VDAC1: variants seen among roughly 807,000 people sequenced by gnomAD.
VDAC1 encodes non-selective voltage-gated ion channel VDAC1.
In VDAC1, 10 loss-of-function variants were observed where a neutral mutation model predicts 34.7. The observed-to-expected ratio is 0.29, with a 90% CI of 0.18 to 0.49. The LOEUF (loss-of-function observed/expected upper bound fraction) is 0.49. VDAC1 is among the 20% of genes least tolerant of loss of function. VDAC1 has a pLI of 0.99. For synonymous variants in VDAC1, 130 were observed against 136.0 expected (o/e 0.96, Z 0.30); for missense variants, 230 against 347.9 (o/e 0.66, Z 2.69).
the VDAC1 span, among the ~76,000 whole-genome samples, chr5:134,023,123 A>T: frequency 6.6e-6 from 1 of 152,196 alleles, no homozygotes; most frequent in Non-Finnish European, 1.5e-5. Context: ...GCACATATAC[A>T]CCATGGAGTA....
the VDAC1 span, among the ~76,000 whole-genome samples, chr5:134,022,730 C>T: frequency 8.5e-5 from 13 of 152,200 alleles, no homozygotes; most frequent in South Asian, 4.1e-4. Context: ...GACATCCAGA[C>T]TTCATCAGTT....
chr5:134,026,812 G>T, the VDAC1 span, among the ~76,000 whole-genome samples: 7 of 152,294 alleles, frequency 4.6e-5, no homozygotes, highest in South Asian at 1.4e-3. Context: ...TCTGCACAAA[G>T]GTAAATTCTC....
the VDAC1 span, among the ~76,000 whole-genome samples, chr5:134,104,864 G>A: frequency 6.6e-6 from 1 of 152,232 alleles, no homozygotes; most frequent in Non-Finnish European, 1.5e-5. Flanking sequence ...GATGCACTCG[G>A]AGGAGCTGCC....
upstream of VDAC1, among the ~76,000 whole-genome samples, chr5:134,009,244 A>ATTTTTTTTTTTTTTTTTTTTT (rs1561606299): frequency 7.2e-6 from 1 of 138,254 alleles, no homozygotes; most frequent in African/African-American, 2.8e-5. Context: ...GAATTTATCA[A>ATTTTTTTTTTTTTTTTTTTTT]TTCTTTTTTT....
chr5:133,997,770 T>C (rs951670191), intron 1 of VDAC1, among the ~76,000 whole-genome samples: 3 of 142,180 alleles, frequency 2.1e-5, no homozygotes, highest in African/African-American at 7.9e-5. Context: ...AAGCTAGCTA[T>C]GAAGCTACGA....
Position 133,972,709 on chromosome 5 carries a change from T to C in VDAC1, c.*62A>G, listed in dbSNP as rs574587547. 5 of 1,134,340 alleles carry C rather than the reference T, an allele frequency of 4.4e-6. No homozygotes were observed. Among genetic ancestry groups the C allele is most frequent in the Non-Finnish European group, 6.5e-6 (5 of 769,020 alleles). 70.3% of individuals were successfully genotyped at this position (1,134,340 alleles called of 1,614,324 possible). The stretch of plus-strand genomic sequence containing the variant: ...AGACATACAACATTAAAAGATACAC[T>C]AAATTCTGAAGGTAGCTATGCTGCA... On this transcript the variant is annotated 3_prime_UTR_variant, in exon 9 of 9. Transcript: ENST00000265333.
At chr5:134,071,216 C>A in the VDAC1 span, among the ~76,000 whole-genome samples, 1 of 152,260 alleles carries the variant, frequency 6.6e-6, no homozygotes, top group Non-Finnish European at 1.5e-5. This position sits in a 1 kb window ranked among gnomAD's most constrained non-coding sequence, Gnocchi z 4.1. Flanking sequence ...TGCCACCCTC[C>A]CCTTCCCTTG....
the VDAC1 span, among the ~76,000 whole-genome samples, chr5:134,074,021 A>C: frequency 9.9e-5 from 15 of 152,138 alleles, no homozygotes; most frequent in Non-Finnish European, 1.9e-4. Flanking sequence ...CCTAAGAATG[A>C]ATAAAAGCTG....
chr5:134,068,061 T>C, the VDAC1 span, among the ~76,000 whole-genome samples: 2 of 151,890 alleles, frequency 1.3e-5, no homozygotes, highest in Non-Finnish European at 2.9e-5. Flanking sequence ...GAGGTTGCAG[T>C]AAGCAGAGAT....
chr5:133,974,454 T>G (rs536556254), intron 7 of VDAC1, among the ~76,000 whole-genome samples: 19 of 152,088 alleles, frequency 1.2e-4, no homozygotes, highest in Non-Finnish European at 2.5e-4. Context: ...GAATGAAAAG[T>G]GAGGCGGGGC....
the VDAC1 span, among the ~76,000 whole-genome samples, chr5:134,070,860 G>T: frequency 1.3e-5 from 2 of 152,180 alleles, no homozygotes; most frequent in African/African-American, 4.8e-5. Flanking sequence ...ACGTATCTGC[G>T]ATTATTTTCT....
At chr5:134,062,082 GTTCAAGCGA>G in the VDAC1 span, among the ~76,000 whole-genome samples, 1 of 151,374 alleles carries the variant, frequency 6.6e-6, no homozygotes, top group Non-Finnish European at 1.5e-5. Flanking sequence ...AGGTTCCTGG[GTTCAAGCGA>G]TTCTCCTGCC....
At chr5:134,110,681 C>T in the VDAC1 span, among the ~76,000 whole-genome samples, 1 of 152,384 alleles carries the variant, frequency 6.6e-6, no homozygotes, top group East Asian at 1.9e-4. Flanking sequence ...AACAGGATGC[C>T]AGGCGGGCTG....
chr5:133,986,944 G>A (rs985626672), intron 5 of VDAC1, among the ~76,000 whole-genome samples: 1 of 152,192 alleles, frequency 6.6e-6, no homozygotes, highest in Non-Finnish European at 1.5e-5. Context: ...TAGAGTAAAT[G>A]TCCATGCATC....
chr5:134,052,724 G>GC, the VDAC1 span, among the ~76,000 whole-genome samples: 10 of 152,096 alleles, frequency 6.6e-5, no homozygotes, highest in Non-Finnish European at 1.5e-4. Flanking sequence ...ACTGCCATGG[G>GC]CCAGGCGCTG....
the VDAC1 span, among the ~76,000 whole-genome samples, chr5:134,069,011 T>TGTGTGTGTGTGTGTGTGTGTGTG: frequency 9.3e-6 from 1 of 107,968 alleles, no homozygotes; most frequent in African/African-American, 3.4e-5. Flanking sequence ...TGTGTGTGTG[T>TGTGTGTGTGTGTGTGTGTGTGTG]TCACGTGCGC....
At chr5:134,059,777 T>C in the VDAC1 span, among the ~76,000 whole-genome samples, 1 of 151,802 alleles carries the variant, frequency 6.6e-6, no homozygotes, top group Admixed American at 6.6e-5. Context: ...AAGAACTGAT[T>C]CTCAGCAACA....
chr5:134,071,328 C>T, the VDAC1 span, among the ~76,000 whole-genome samples: 2 of 152,148 alleles, frequency 1.3e-5, no homozygotes, highest in African/African-American at 4.8e-5. The surrounding 1 kb of genome is among the most constrained non-coding windows in gnomAD (Gnocchi z 4.1). Flanking sequence ...TGTAGGGCGG[C>T]AGGGGAAGGG....
chr5:133,975,094 T>C (rs11745792), intron 7 of VDAC1, among the ~76,000 whole-genome samples: 22,746 of 151,744 alleles, frequency 0.15, 1,874 homozygotes, highest in East Asian at 0.32. Context: ...GAGTGAGACA[T>C]TGTCTCTACT....
Sources: allele counts gnomAD v4.1 joint callset (sites outside exome capture counted in the v4.1 genomes callset), GRCh38; gene constraint gnomAD v4.1.1; non-coding constraint Gnocchi (gnomAD v3.1); transcripts MANE v1.5; gene names NCBI Gene and HGNC (gene_info 2026-07-23, HGNC 2026-07-21).